Variants in SPTA1 observed in about 807,000 individuals in gnomAD.
The protein encoded by SPTA1 is spectrin alpha chain, erythrocytic 1.
Under a neutral mutation model 324.7 loss-of-function variants are expected in SPTA1, and 177 were observed. That is an observed-to-expected ratio of 0.55 (90% CI 0.48 to 0.62). SPTA1 has a LOEUF of 0.62. SPTA1 is among the 20% of genes least tolerant of loss of function. The probability of loss-of-function intolerance (pLI) is 0.00; values close to 1 mark genes in which losing one functional copy is unlikely to be tolerated. For synonymous variants in SPTA1, 1,195 were observed against 1,041.3 expected (o/e 1.15, Z -2.84); for missense variants, 3,162 against 2,883.6 (o/e 1.10, Z -2.21).
Position 158,643,328 on chromosome 1 carries a change from A to C in SPTA1, c.4436T>G (p.Leu1479Arg), listed in dbSNP as rs879120437. 6.8e-6 allele frequency: 11 copies of C among 1,613,792 alleles called. No individual in the cohort carries two copies. Among genetic ancestry groups the C allele is most frequent in the Admixed American group, 1.7e-5 (1 of 59,942 alleles). Residue 1479 changes from leucine to arginine, a missense_variant, in exon 31 of 52, where the codon CTA (leucine) becomes CGA (arginine). Physicochemically the swap from Leu to Arg is moderately radical, Grantham distance 102. Transcript: ENST00000643759. ...EEIATRLQRV[L>R]DRWKALKAQL... ...ACAATCACTCAGGCCTGACCTGTCT[A>C]GTACACGTTGGAGCCGCGTAGCAAT...
chr1:158,680,301 C>T (rs1322418828), intron 5 of SPTA1, among the ~76,000 whole-genome samples: 1 of 152,040 alleles, frequency 6.6e-6, no homozygotes, highest in Admixed American at 6.6e-5. Context: ...ACAGAAGCTA[C>T]TATATAAATG....
At chr1:158,638,811 T>A (rs1651305458) in intron 35 of SPTA1, among the ~76,000 whole-genome samples, 1 of 151,354 alleles carries the variant, frequency 6.6e-6, no homozygotes, top group Non-Finnish European at 1.5e-5. Flanking sequence ...CAAGACTGTC[T>A]TATACTGACT....
At chr1:158,686,164 T>C (rs1172364153) in intron 1 of SPTA1, among the ~76,000 whole-genome samples, 3 of 152,224 alleles carry the variant, frequency 2.0e-5, no homozygotes, top group Non-Finnish European at 4.4e-5. Context: ...CTCCTAAGTA[T>C]AATTGCTACT....
chr1:158,623,249 A>G, intron 42 of SPTA1, 57 bp from the exon 43 acceptor site: 2 of 1,447,250 alleles, frequency 1.4e-6, no homozygotes, highest in East Asian at 2.3e-5. Flanking sequence ...GGTCATTCAC[A>G]TCTGGGTTCC....
intron 38 of SPTA1, 126 bp downstream of exon 38, chr1:158,635,787 A>G: frequency 1.4e-6 from 2 of 1,390,614 alleles, no homozygotes; most frequent in Non-Finnish European, 2.0e-6. Context: ...TTGAGAAGGG[A>G]CTTAAGGAGA....
In SPTA1 at chr1:158,617,490, C is replaced by T. The variant is rs984125260; in HGVS notation, c.6600+47G>A. 2.0e-6 allele frequency: 3 copies of T among 1,524,250 alleles called. No homozygotes were observed. In the East Asian group the frequency reaches 6.8e-5, roughly 34 times the overall value. 94.4% of individuals were successfully genotyped at this position (1,524,250 alleles called of 1,614,324 possible). ...CCCTTAGGTGATTATTTTTACACTC[C>T]TTATAATTTTGGCAATATCTTCAGT... On this transcript the variant is annotated intron_variant, in intron 47 of 51. Transcript: ENST00000643759.
At chr1:158,673,247 T>A (rs703115) in intron 10 of SPTA1, among the ~76,000 whole-genome samples, 1 of 152,028 alleles carries the variant, frequency 6.6e-6, no homozygotes, top group African/African-American at 2.4e-5. Context: ...ATTATAATGT[T>A]CCCACAGAGT....
rs760611007 is a variant in SPTA1 at position 158,653,442 on chromosome 1, T to TC, written c.3037-18dup. 11 of 1,613,544 alleles carry TC rather than the reference T, an allele frequency of 6.8e-6. No individual in the cohort carries two copies. The highest frequency in any genetic ancestry group is 3.3e-5 in the South Asian group (3 of 91,064). ...CCACCAGTCCTGAAGGGAGAGCAGATCCCCACTCCGTCATTAATTCTTGGA... is the reference window on the plus strand; with the variant it reads ...CCACCAGTCCTGAAGGGAGAGCAGATCCCCCACTCCGTCATTAATTCTTGGA... On this transcript the variant is annotated splice_polypyrimidine_tract_variant and intron_variant, in intron 21 of 51. Coordinates refer to ENST00000643759, the MANE Select transcript of SPTA1 (RefSeq NM_003126.4).
At position 158,657,515 on chromosome 1, in the gene SPTA1, C is replaced by CCA; in HGVS notation, c.2766_2767insTG (p.Asp923TrpfsTer17). 7.1e-7 allele frequency: 1 copy of CCA among 1,413,476 alleles called. No individual in the cohort carries two copies. The highest frequency in any genetic ancestry group is 9.6e-7 in the Non-Finnish European group (1 of 1,040,058). The allele number at this position is 1,413,476 out of a possible 1,614,324, so 87.6% of individuals were successfully genotyped here. A position where few individuals can be genotyped will look rare whatever the true frequency, so the allele number is the denominator to read the frequency against. On this transcript the variant is annotated frameshift_variant, in exon 19 of 52. Coordinates refer to ENST00000643759, the MANE Select transcript of SPTA1 (RefSeq NM_003126.4). LOFTEE classifies it high-confidence loss of function. Reference sequence around the variant, plus strand: ...TCATCAGCACCATAGTTAGTATTATCTACAATAGGTTCCTTCTCTCTGATC... The same window carrying CCA: ...TCATCAGCACCATAGTTAGTATTATCCATACAATAGGTTCCTTCTCTCTGATC...
At chr1:158,613,895 T>G (rs763142593) in intron 49 of SPTA1, 28 bp from the exon 50 acceptor site, 6 of 1,608,214 alleles carry the variant, frequency 3.7e-6, no homozygotes, top group Middle Eastern at 3.5e-4. Flanking sequence ...AAAAAAAAAT[T>G]TATCAAGCTC....
intron 39 of SPTA1, among the ~76,000 whole-genome samples, 182 bp downstream of exon 39, chr1:158,634,361 G>A (rs1017124488): frequency 3.9e-5 from 6 of 152,138 alleles, no homozygotes; most frequent in Admixed American, 6.5e-5. Flanking sequence ...CCGTAATCTT[G>A]GGCAAGTCAC....
intron 39 of SPTA1, among the ~76,000 whole-genome samples, chr1:158,628,001 G>A (rs1650396548): frequency 1.3e-5 from 2 of 152,030 alleles, no homozygotes; most frequent in African/African-American, 4.8e-5. Flanking sequence ...TTGGAATGAG[G>A]GTTTTGACTG....
rs747825183 is a variant in SPTA1, at chr1:158,674,527, C to T, written c.1248+13G>A. Reference sequence around the variant, plus strand: ...CTGCCCCCTCCTCCTACTGGGCAGCCTTTCTTCTCTACCTTATGCTGCTGA... The same window carrying T: ...CTGCCCCCTCCTCCTACTGGGCAGCTTTTCTTCTCTACCTTATGCTGCTGA... On this transcript the variant is annotated intron_variant, in intron 9 of 51. Transcript: ENST00000643759. The T allele has an allele frequency of 1.9e-6, 3 of 1,614,118 alleles. No homozygotes were observed. The highest frequency in any genetic ancestry group is 2.5e-6 in the Non-Finnish European group (3 of 1,179,984).
At chr1:158,647,963 C>T (rs1652123654) in intron 26 of SPTA1, among the ~76,000 whole-genome samples, 1 of 152,076 alleles carries the variant, frequency 6.6e-6, no homozygotes, top group Non-Finnish European at 1.5e-5. Flanking sequence ...GGTTAAGTGA[C>T]TCTGCTGGTT....
intron 1 of SPTA1, among the ~76,000 whole-genome samples, chr1:158,685,812 A>T (rs1571542883): frequency 6.6e-6 from 1 of 152,272 alleles, no homozygotes; most frequent in East Asian, 1.9e-4. Context: ...CAGTTTGAAA[A>T]TTTTGTTTCC....
intron 2 of SPTA1, among the ~76,000 whole-genome samples, chr1:158,684,151 C>T (rs1361047177): frequency 6.6e-6 from 1 of 151,146 alleles, no homozygotes; most frequent in East Asian, 2.0e-4. Context: ...GAACAGGTAT[C>T]ACATGCTATA....
chr1:158,637,888 T>C (rs1651202939), intron 36 of SPTA1, 145 bp downstream of exon 36: 1 of 1,022,510 alleles, frequency 9.8e-7, no homozygotes, highest in Non-Finnish European at 1.5e-6. Flanking sequence ...ATAAAACCAA[T>C]GTTAACCTTA....
chr1:158,673,898 A>G (rs1295860144), intron 10 of SPTA1, among the ~76,000 whole-genome samples: 1 of 152,224 alleles, frequency 6.6e-6, no homozygotes, highest in African/African-American at 2.4e-5. Context: ...TGTAGATTTA[A>G]CCAACCATGG....
At chr1:158,611,485 A>G (rs1236249343) in intron 51 of SPTA1, 96 bp from the exon 52 acceptor site, 2 of 1,469,810 alleles carry the variant, frequency 1.4e-6, no homozygotes, top group Admixed American at 3.5e-5. Flanking sequence ...CAGGAGATGG[A>G]GAGTCTCTGG....
Sources: allele counts gnomAD v4.1 joint callset (sites outside exome capture counted in the v4.1 genomes callset), GRCh38; gene constraint gnomAD v4.1.1; transcripts MANE v1.5; gene names NCBI Gene and HGNC (gene_info 2026-07-23, HGNC 2026-07-21).